The following CRYBG1 variants were observed in gnomAD, a reference collection of about 807,000 sequenced individuals.
The protein encoded by CRYBG1 is crystallin beta-gamma domain containing 1.
In CRYBG1, 139 loss-of-function variants were observed where a neutral mutation model predicts 189.2. The observed-to-expected ratio is 0.73, with a 90% CI of 0.64 to 0.85. The LOEUF (loss-of-function observed/expected upper bound fraction) is 0.85. Ranked by LOEUF, CRYBG1 falls within the 40% of genes least tolerant of loss-of-function variation. CRYBG1 has a pLI of 0.00. For synonymous variants in CRYBG1, 1,023 were observed against 1,017.1 expected (o/e 1.01, Z -0.11); for missense variants, 2,611 against 2,675.8 (o/e 0.98, Z 0.53).
intron 2 of CRYBG1, among the ~76,000 whole-genome samples, chr6:106,454,662 A>G (rs1771848761): frequency 1.3e-5 from 2 of 152,262 alleles, no homozygotes; most frequent in African/African-American, 4.8e-5. Context: ...AATTTGCATT[A>G]TAGCTAGGCA....
At chr6:106,496,099 C>T (rs764186616) in intron 2 of CRYBG1, among the ~76,000 whole-genome samples, 3 of 152,154 alleles carry the variant, frequency 2.0e-5, no homozygotes, top group African/African-American at 7.2e-5. Context: ...CATACTTTCC[C>T]CAAACAAGAT....
chr6:106,361,060 C>A lies in CRYBG1; in HGVS notation c.152C>A (p.Pro51Gln), dbSNP rs748506044. ...GGGGTGTTCGTTCCGCACCCGCTCC[C>A]GGCGCCTGCCGGAGAGGCCAGGTGA... ...DCGVFVPHPL[P>Q]APAGEARALD... Residue 51 changes from proline to glutamine, a missense_variant, in exon 1 of 22, where the codon CCG (proline) becomes CAG (glutamine). Physicochemically the swap from Pro to Gln is moderately conservative, Grantham distance 76. Coordinates refer to ENST00000633556, the MANE Select transcript of CRYBG1 (RefSeq NM_001371242.2). 6.5e-7 allele frequency: 1 copy of A among 1,534,938 alleles called. No individual in the cohort carries two copies. Among genetic ancestry groups the A allele is most frequent in the East Asian group, 2.4e-5 (1 of 40,908 alleles).
At chr6:106,552,087 A>C in intron 14 of CRYBG1, 97 bp from the exon 15 acceptor site, 1 of 1,447,382 alleles carries the variant, frequency 6.9e-7, no homozygotes. Context: ...TTCTGAGTTT[A>C]TTTTTAGCAG....
chr6:106,514,612 C>T (rs1018827894), intron 3 of CRYBG1, among the ~76,000 whole-genome samples: 1 of 152,166 alleles, frequency 6.6e-6, no homozygotes, highest in Non-Finnish European at 1.5e-5. Context: ...CTAAAGCCTC[C>T]TAAATGTGAG....
intron 3 of CRYBG1, among the ~76,000 whole-genome samples, chr6:106,513,541 T>A (rs1773349934): frequency 6.6e-6 from 1 of 152,210 alleles, no homozygotes; most frequent in East Asian, 1.9e-4. Context: ...GCAAAAAGCT[T>A]AAAAACACAC....
chr6:106,551,822 C>G, intron 13 of CRYBG1, 30 bp from the exon 14 acceptor site: 1 of 1,604,046 alleles, frequency 6.2e-7, no homozygotes, highest in Non-Finnish European at 8.5e-7. Flanking sequence ...AAAATATGAA[C>G]TCCAACAAGT....
At chr6:106,361,957 A>ATTTCTTTCTTTCTTTCTTTCTTTC (rs1554229458) in intron 1 of CRYBG1, among the ~76,000 whole-genome samples, 1 of 126,702 alleles carries the variant, frequency 7.9e-6, no homozygotes, top group Admixed American at 8.7e-5. Flanking sequence ...TTTTCCTTTT[A>ATTTCTTTCTTTCTTTCTTTCTTTC]TTTCTTTCTT....
intron 13 of CRYBG1, among the ~76,000 whole-genome samples, chr6:106,551,429 C>CAA (rs1774401688): frequency 6.6e-6 from 1 of 152,136 alleles, no homozygotes; most frequent in Non-Finnish European, 1.5e-5. Flanking sequence ...CAATGAACAC[C>CAA]TAGGTTGATT....
Position 106,512,884 on chromosome 6 carries a change from C to T in CRYBG1, c.1767C>T (p.Gly589=). The part of the protein sequence containing the change: ...LPEIKPEHKR[G]PLPNHFNGRA... ...AGATCAAGCCCGAGCACAAGAGGGG[C>T]CCGCTCCCCAACCACTTCAACGGCC... The change falls in exon 3 of 22, where the codon GGC becomes GGT. Residue 589 remains glycine (G), a synonymous_variant. Coordinates refer to ENST00000633556, the MANE Select transcript of CRYBG1 (RefSeq NM_001371242.2). 1 of 1,597,292 alleles carries T rather than the reference C, an allele frequency of 6.3e-7. No homozygotes were observed. Among genetic ancestry groups the T allele is most frequent in the Admixed American group, 1.7e-5 (1 of 57,848 alleles).
intron 4 of CRYBG1, among the ~76,000 whole-genome samples, chr6:106,522,848 A>C (rs1298531534): frequency 6.6e-6 from 1 of 152,208 alleles, no homozygotes; most frequent in Non-Finnish European, 1.5e-5. Context: ...GGTTTCCAGC[A>C]GAGGTGCAGA....
chr6:106,520,292 A>G lies in CRYBG1; in HGVS notation c.3084A>G (p.Gln1028=), dbSNP rs1462020160. The G allele has an allele frequency of 6.2e-7, 1 of 1,614,146 alleles. No homozygotes were observed. The highest frequency in any genetic ancestry group is 2.2e-5 in the East Asian group (1 of 44,882). Residue 1028 remains glutamine (Q), a synonymous_variant, in exon 4 of 22, where the codon CAA becomes CAG. Transcript: ENST00000633556. ...AGCTCGCGGCAAAATCTGGCCCACAAGTCATACCGCCAGCATCAGAGAAAA... is the reference window on the plus strand; with the variant it reads ...AGCTCGCGGCAAAATCTGGCCCACAGGTCATACCGCCAGCATCAGAGAAAA... The part of the protein sequence containing the change: ...TAELAAKSGP[Q]VIPPASEKTL...
intron 3 of CRYBG1, among the ~76,000 whole-genome samples, chr6:106,515,066 C>T (rs547605006): frequency 3.3e-5 from 5 of 152,132 alleles, no homozygotes; most frequent in Non-Finnish European, 5.9e-5. Flanking sequence ...AAAACTATTT[C>T]GTATTTCCTG....
chr6:106,425,043 G>A (rs1758333223), intron 1 of CRYBG1, among the ~76,000 whole-genome samples: 1 of 152,150 alleles, frequency 6.6e-6, no homozygotes, highest in Non-Finnish European at 1.5e-5. Context: ...TCCCTCGTCA[G>A]CACCAGCATT....
Position 106,360,728 on chromosome 6 carries a change from C to A in CRYBG1, c.-181C>A. 2 of 630,342 alleles carry A rather than the reference C, an allele frequency of 3.2e-6. No individual in the cohort carries two copies. The highest frequency in any genetic ancestry group is 5.0e-6 in the Non-Finnish European group (2 of 397,394). 39.0% of individuals were successfully genotyped at this position (630,342 alleles called of 1,614,324 possible). On this transcript the variant is annotated 5_prime_UTR_variant, in exon 1 of 22. Coordinates refer to ENST00000633556, the MANE Select transcript of CRYBG1 (RefSeq NM_001371242.2). Reference sequence around the variant, plus strand: ...ACAGCTCGGGCTGCAGTGCTGCTCGCGCTGCGCTGGGTGCTGGTTCTGCAA... The same window carrying A: ...ACAGCTCGGGCTGCAGTGCTGCTCGAGCTGCGCTGGGTGCTGGTTCTGCAA...
Position 106,570,420 on chromosome 6 carries a change from C to G in CRYBG1, c.*1854C>G, listed in dbSNP as rs1775026373. 6.6e-6 allele frequency: 1 copy of G among 152,214 alleles called. No homozygotes were observed. The allele number at this position is 152,214 out of a possible 1,614,324, so 9.4% of individuals were successfully genotyped here. On this transcript the variant is annotated 3_prime_UTR_variant, in exon 22 of 22. Transcript: ENST00000633556. ...CTACAGTAGCCTGTGCTGAACTGATCTCTTAAATAAACTTGCTTCTGGTTA... is the reference window on the plus strand; with the variant it reads ...CTACAGTAGCCTGTGCTGAACTGATGTCTTAAATAAACTTGCTTCTGGTTA...
intron 1 of CRYBG1, among the ~76,000 whole-genome samples, chr6:106,390,232 G>A (rs368624193): frequency 6.6e-6 from 1 of 152,038 alleles, no homozygotes; most frequent in African/African-American, 2.4e-5. Context: ...AACAAATATC[G>A]TATTGTTTGG....
At chr6:106,532,029 T>C (rs1236571228) in intron 8 of CRYBG1, among the ~76,000 whole-genome samples, 1 of 152,176 alleles carries the variant, frequency 6.6e-6, no homozygotes, top group Non-Finnish European at 1.5e-5. Context: ...TTTAAATTAT[T>C]TTTAATTGAC....
At chr6:106,368,170 T>C (rs998669223) in intron 1 of CRYBG1, among the ~76,000 whole-genome samples, 2 of 151,958 alleles carry the variant, frequency 1.3e-5, no homozygotes, top group Non-Finnish European at 2.9e-5. Flanking sequence ...TCCCAGCACT[T>C]TGGGAGGTGG....
At chr6:106,544,970 G>A (rs1392210543) in intron 13 of CRYBG1, 37 bp downstream of exon 13, 3 of 1,558,338 alleles carry the variant, frequency 1.9e-6, no homozygotes, top group Middle Eastern at 1.9e-4. Flanking sequence ...TTAAACATGC[G>A]TTTTACCTTG....
Sources: allele counts gnomAD v4.1 joint callset (sites outside exome capture counted in the v4.1 genomes callset), GRCh38; gene constraint gnomAD v4.1.1; transcripts MANE v1.5; gene names NCBI Gene and HGNC (gene_info 2026-07-23, HGNC 2026-07-21).